Variants in PPP1R16A observed in about 807,000 individuals in gnomAD.
The protein encoded by PPP1R16A is myosin phosphatase-targeting subunit 3.
A neutral mutation model predicts 46.6 loss-of-function variants in PPP1R16A; 39 were observed. The ratio of observed to expected loss-of-function variants is 0.84; its 90% CI spans 0.65 to 1.09. PPP1R16A has a LOEUF of 1.09. Among genes scored for constraint, PPP1R16A ranks in the 50% least tolerant of loss-of-function variants. The pLI is 0.00. For synonymous variants in PPP1R16A, 413 were observed against 321.5 expected, an observed-to-expected ratio of 1.28 and a Z score of -3.04; for missense variants, 798 against 735.6, an observed-to-expected ratio of 1.08 and a Z score of -0.98.
chr8:144,478,350 G>A (rs1825261617), intron 1 of PPP1R16A: 2 of 369,842 alleles, frequency 5.4e-6, no homozygotes, highest in Non-Finnish European at 9.6e-6. Flanking sequence ...AGGAGGCCGG[G>A]GAGGGGCCCT....
chr8:144,496,996 C>T lies in PPP1R16A; in HGVS notation c.-199C>T. 1 of 687,696 alleles carries T rather than the reference C, an allele frequency of 1.5e-6. No homozygotes were observed. Among genetic ancestry groups the T allele is most frequent in the Non-Finnish European group, 2.4e-6 (1 of 415,684 alleles). 42.6% of individuals were successfully genotyped at this position (687,696 alleles called of 1,614,324 possible). ...GCCCTCCCACACTGCCCTCCCTGCC[C>T]CGGCCCATGCCCCCCAGGGCTGCCT... On this transcript the variant is annotated 5_prime_UTR_variant, in exon 3 of 12. Coordinates refer to ENST00000435887, the MANE Select transcript of PPP1R16A (RefSeq NM_001329443.2).
intron 2 of PPP1R16A, among the ~76,000 whole-genome samples, chr8:144,492,334 C>CT (rs5895821): frequency 0.47 from 61,423 of 131,400 alleles, 14,909 homozygotes; most frequent in South Asian, 0.59. Flanking sequence ...AAAAGGTGTA[C>CT]TTTTTTTTTT....
chr8:144,501,395 G>A (rs1191846366), intron 11 of PPP1R16A, 101 bp downstream of exon 11: 4 of 1,485,448 alleles, frequency 2.7e-6, no homozygotes, highest in South Asian at 2.7e-5. Context: ...CAGGAATGGT[G>A]CCCTGCAGGG....
At chr8:144,482,093 C>T (rs1025614441) in intron 1 of PPP1R16A, among the ~76,000 whole-genome samples, 27 of 151,754 alleles carry the variant, frequency 1.8e-4, no homozygotes, top group Admixed American at 1.6e-3. Flanking sequence ...CCGCCGCCGC[C>T]GCCTTTTTTT....
At chr8:144,485,521 C>T (rs1364503720) in intron 1 of PPP1R16A, among the ~76,000 whole-genome samples, 1 of 111,590 alleles carries the variant, frequency 9.0e-6, no homozygotes, top group Non-Finnish European at 2.0e-5. Flanking sequence ...AACACTCCAT[C>T]TCGGGAAAAA....
chr8:144,483,079 G>T (rs1233047208), intron 1 of PPP1R16A, among the ~76,000 whole-genome samples: 1 of 152,200 alleles, frequency 6.6e-6, no homozygotes, highest in African/African-American at 2.4e-5. Flanking sequence ...ACCGCGCCCG[G>T]CCCAACTTTC....
intron 2 of PPP1R16A, among the ~76,000 whole-genome samples, chr8:144,494,507 C>G (rs1031269119): frequency 6.7e-6 from 1 of 149,740 alleles, no homozygotes; most frequent in African/African-American, 2.5e-5. Flanking sequence ...AGGGTCTTAC[C>G]CTGCTGCCCA....
chr8:144,501,815 G>A lies in PPP1R16A; in HGVS notation c.1499G>A (p.Arg500Lys). The A allele has an allele frequency of 6.4e-7, 1 of 1,552,724 alleles. No homozygotes were observed. Among genetic ancestry groups the A allele is most frequent in the Non-Finnish European group, 8.7e-7 (1 of 1,149,644 alleles). The change falls in exon 12 of 12, where the codon AGG becomes AAG. Residue 500 changes from arginine to lysine, a missense_variant. Physicochemically the swap from Arg to Lys is conservative, Grantham distance 26 (BLOSUM62 2). Coordinates refer to ENST00000435887, the MANE Select transcript of PPP1R16A (RefSeq NM_001329443.2). ...ACCCCCCAGCCTGACTGTGGCTTCA[G>A]GGCAGGCGGGGACCCACCCCTGCTC... ...TVTPQPDCGF[R>K]AGGDPPLLKL...
rs1434897975 is a variant in PPP1R16A, at chr8:144,490,879, A to AC, written c.-735+671dup. Among the ~76,000 whole-genome samples the AC allele has an allele frequency of 2.6e-5, 4 of 152,096 alleles. No individual in the cohort carries two copies. The East Asian group carries it at 7.8e-4, about 29-fold the overall frequency. ...AGACCAGTCTGGGCAACATAGGGAG[A>AC]CCCCAACTCCACACACAAAAAAGAC... On this transcript the variant is annotated intron_variant, in intron 2 of 11. Coordinates refer to ENST00000435887, the MANE Select transcript of PPP1R16A (RefSeq NM_001329443.2).
At chr8:144,487,131 G>A (rs1178497559) in intron 1 of PPP1R16A, among the ~76,000 whole-genome samples, 1 of 152,046 alleles carries the variant, frequency 6.6e-6, no homozygotes, top group Admixed American at 6.6e-5. Flanking sequence ...GGGACTACAG[G>A]TGTGTGGCAC....
At chr8:144,492,349 T>TC (rs1305438987) in intron 2 of PPP1R16A, among the ~76,000 whole-genome samples, 1 of 147,948 alleles carries the variant, frequency 6.8e-6, no homozygotes, top group East Asian at 1.9e-4. Flanking sequence ...TTTTTTTTTT[T>TC]TTTTGATAGG....
chr8:144,500,184 G>A lies in PPP1R16A; in HGVS notation c.565G>A (p.Ala189Thr), dbSNP rs1826341520. Reference sequence around the variant, plus strand: ...GCAGACGCTGGACTGCCTGGAGACTGCCATGGCCGACCGTGGTAGGTGCGG... The same window carrying A: ...GCAGACGCTGGACTGCCTGGAGACTACCATGGCCGACCGTGGTAGGTGCGG... ...DEQTLDCLETAMADRGITQDS... is the reference protein window; with the variant it reads ...DEQTLDCLETTMADRGITQDS... Residue 189 changes from alanine (A) to threonine (T), a missense_variant, in exon 6 of 12, where the codon GCC (alanine) becomes ACC (threonine). Physicochemically the swap from Ala to Thr is moderately conservative, Grantham distance 58. Transcript: ENST00000435887. 1.2e-6 allele frequency: 2 copies of A among 1,609,816 alleles called. No homozygotes were observed. The highest frequency in any genetic ancestry group is 1.7e-6 in the Non-Finnish European group (2 of 1,178,362).
rs1215390327 is a variant in PPP1R16A at position 144,498,729 on chromosome 8, CA to C, written c.260-40del. 2.0e-6 allele frequency: 3 copies of C among 1,536,046 alleles called. No individual in the cohort carries two copies. In the African/African-American group the frequency reaches 4.1e-5, roughly 21 times the overall value. ...CGAAGCACAGTTGACAGGACCTGAC[CA>C]GGGGCAGGACCCTGTCCTCACCTCG... On this transcript the variant is annotated intron_variant, in intron 3 of 11. Coordinates refer to ENST00000435887, the MANE Select transcript of PPP1R16A (RefSeq NM_001329443.2).
intron 1 of PPP1R16A, among the ~76,000 whole-genome samples, chr8:144,481,132 C>T (rs539068761): frequency 1.3e-5 from 2 of 151,424 alleles, no homozygotes; most frequent in African/African-American, 2.4e-5. Flanking sequence ...CCTCGTGATC[C>T]GCCCGCCTCG....
chr8:144,482,806 G>A (rs1349228466), intron 1 of PPP1R16A, among the ~76,000 whole-genome samples: 5 of 152,026 alleles, frequency 3.3e-5, no homozygotes, highest in Non-Finnish European at 7.4e-5. Flanking sequence ...CCGCCACCAC[G>A]TCCAGCTGAT....
intron 5 of PPP1R16A, chr8:144,499,410 G>A (rs1193442585): frequency 1.2e-5 from 4 of 322,618 alleles, no homozygotes; most frequent in Non-Finnish European, 2.3e-5. Flanking sequence ...GGGAGGAGAG[G>A]GTACCTGAGC....
Position 144,497,269 on chromosome 8 carries a change from T to C in PPP1R16A, c.75T>C (p.His25=). The C allele has an allele frequency of 6.2e-7, 1 of 1,610,562 alleles. No individual in the cohort carries two copies. Among genetic ancestry groups the C allele is most frequent in the Non-Finnish European group, 8.5e-7 (1 of 1,179,066 alleles). ...TGAGCACACAGGAGCGGCTGAAGCA[T>C]GCCCAGAAGCGGCGCGCCCAGCAGG... ...GRMSTQERLK[H]AQKRRAQQVK... Residue 25 remains histidine, a synonymous_variant, in exon 3 of 12, where the codon CAT becomes CAC. Transcript: ENST00000435887.
chr8:144,500,302 G>C lies in PPP1R16A; in HGVS notation c.616G>C (p.Val206Leu), dbSNP rs765957840. 3.2e-6 allele frequency: 5 copies of C among 1,544,068 alleles called. No homozygotes were observed. In the East Asian group the frequency reaches 1.2e-4, roughly 38 times the overall value. The change falls in exon 7 of 12, where the codon GTG (valine) becomes CTG (leucine). Residue 206 changes from valine to leucine, a missense_variant. Physicochemically the swap from Val to Leu is conservative, Grantham distance 32. Coordinates refer to ENST00000435887, the MANE Select transcript of PPP1R16A (RefSeq NM_001329443.2). The stretch of plus-strand genomic sequence containing the variant: ...GGACAGCATCGAGGCCGCCCGGGCC[G>C]TGCCAGAACTGCGCATGCTGGACGA... ...TQDSIEAARA[V>L]PELRMLDDIR... is the part of the protein sequence containing the mutation.
chr8:144,496,904 C>T lies in PPP1R16A; in HGVS notation c.-291C>T. On this transcript the variant is annotated 5_prime_UTR_variant, in exon 3 of 12. Transcript: ENST00000435887. Reference sequence around the variant, plus strand: ...GCCTCCCATAGGTTGTGCACCCTGACCCCGAGAGGGAGGCGAGGCGCTGCT... The same window carrying T: ...GCCTCCCATAGGTTGTGCACCCTGATCCCGAGAGGGAGGCGAGGCGCTGCT... The T allele has an allele frequency of 1.8e-6, 1 of 541,740 alleles. No homozygotes were observed. Among genetic ancestry groups the T allele is most frequent in the South Asian group, 2.1e-5 (1 of 48,738 alleles). The allele number at this position is 541,740 out of a possible 1,614,324, so 33.6% of individuals were successfully genotyped here. A position where few individuals can be genotyped will look rare whatever the true frequency, so the allele number is the denominator to read the frequency against.
Sources: gnomAD v4.1 joint callset for allele counts (sites outside exome capture counted in the v4.1 genomes callset) on GRCh38, gnomAD v4.1.1 for gene constraint, MANE v1.5 for transcripts, NCBI Gene and HGNC (gene_info 2026-07-23, HGNC 2026-07-21) for gene names.